The following PDE4D variants were observed in gnomAD, a reference collection of about 807,000 sequenced individuals.
PDE4D encodes phosphodiesterase 4D, also known as 3',5'-cyclic-AMP phosphodiesterase 4D.
Under a neutral mutation model 87.4 loss-of-function variants are expected in PDE4D, and 24 were observed. That is an observed-to-expected ratio of 0.27 (90% CI 0.20 to 0.39). PDE4D has a LOEUF of 0.39. Ranked by LOEUF, PDE4D falls within the 10% of genes least tolerant of loss-of-function variation. The pLI, the probability that PDE4D is intolerant of heterozygous loss-of-function variation, is 1.00. For synonymous variants in PDE4D, 384 were observed against 383.2 expected, an observed-to-expected ratio of 1.00 and a Z score of -0.02; for missense variants, 714 against 1,041.0, an observed-to-expected ratio of 0.69 and a Z score of 4.32.
At chr5:59,855,258 C>T (rs1470288167) in intron 1 of PDE4D, among the ~76,000 whole-genome samples, 2 of 152,162 alleles carry the variant, frequency 1.3e-5, no homozygotes, top group South Asian at 2.1e-4. Flanking sequence ...CACTATCACG[C>T]TTCCTCTAGC....
At chr5:59,266,401 T>C (rs184465543) in intron 1 of PDE4D, among the ~76,000 whole-genome samples, 29 of 151,942 alleles carry the variant, frequency 1.9e-4, no homozygotes, top group Admixed American at 1.6e-3. Flanking sequence ...CAGCTCCACA[T>C]TGGGGTTAGG....
intron 1 of PDE4D, among the ~76,000 whole-genome samples, chr5:59,865,688 A>G (rs1746911729): frequency 6.6e-6 from 1 of 152,226 alleles, no homozygotes; most frequent in African/African-American, 2.4e-5. Context: ...TCCTTTTTAT[A>G]TCCCATTTCA....
intron 1 of PDE4D, among the ~76,000 whole-genome samples, chr5:59,378,679 A>G (rs568149576): frequency 1.3e-5 from 2 of 152,302 alleles, no homozygotes; most frequent in East Asian, 3.9e-4. Context: ...AATTCATGCT[A>G]CTCAAAACAA....
chr5:59,853,553 T>C (rs903586909), intron 1 of PDE4D, among the ~76,000 whole-genome samples: 10 of 152,092 alleles, frequency 6.6e-5, no homozygotes, highest in African/African-American at 1.2e-4. Context: ...TATATTTTCG[T>C]CTAATTTAAC....
intron 3 of PDE4D, among the ~76,000 whole-genome samples, chr5:59,978,026 C>T (rs1030958641): frequency 5.3e-5 from 8 of 152,152 alleles, no homozygotes; most frequent in African/African-American, 1.9e-4. Context: ...AGATTCTTTT[C>T]AAAATATGAC....
chr5:60,170,317 G>A (rs1486913024), intron 2 of PDE4D, among the ~76,000 whole-genome samples: 8 of 151,900 alleles, frequency 5.3e-5, no homozygotes, highest in Non-Finnish European at 1.2e-4. Context: ...TAAAGTAATG[G>A]CTAGCAACTG....
At chr5:59,267,740 CT>C (rs946458195) in intron 1 of PDE4D, among the ~76,000 whole-genome samples, 33 of 152,192 alleles carry the variant, frequency 2.2e-4, no homozygotes, top group African/African-American at 6.5e-4. Flanking sequence ...CTTCCTAACT[CT>C]GTGGGTTTAA....
intron 1 of PDE4D, among the ~76,000 whole-genome samples, chr5:60,309,500 T>C (rs1754809796): frequency 1.3e-5 from 2 of 152,202 alleles, no homozygotes; most frequent in African/African-American, 4.8e-5. Flanking sequence ...GTAGACTAGA[T>C]AGAGAGATGG....
At chr5:60,330,069 A>G (rs1757182706) in intron 1 of PDE4D, among the ~76,000 whole-genome samples, 1 of 152,168 alleles carries the variant, frequency 6.6e-6, no homozygotes, top group Admixed American at 6.5e-5. Context: ...GAGGGTACAC[A>G]GTGACTACAC....
At chr5:59,859,333 G>C (rs1745918250) in intron 1 of PDE4D, among the ~76,000 whole-genome samples, 1 of 152,144 alleles carries the variant, frequency 6.6e-6, no homozygotes, top group African/African-American at 2.4e-5. Flanking sequence ...AAAATAGGCA[G>C]TGTAGGTGTA....
intron 2 of PDE4D, among the ~76,000 whole-genome samples, chr5:59,194,021 C>G (rs1744910156): frequency 6.6e-6 from 1 of 152,202 alleles, no homozygotes; most frequent in South Asian, 2.1e-4. Context: ...TGACATGGGA[C>G]TGCATCATAC....
intron 1 of PDE4D, among the ~76,000 whole-genome samples, chr5:59,251,784 C>T (rs532761862): frequency 1.3e-5 from 2 of 152,200 alleles, no homozygotes; most frequent in South Asian, 2.1e-4. Context: ...CCTAGATACC[C>T]ATCAGTCACA....
At chr5:59,988,393 C>G (rs908561934) in intron 3 of PDE4D, 11 of 690,030 alleles carry the variant, frequency 1.6e-5, no homozygotes, top group East Asian at 2.8e-5. Flanking sequence ...TTCTCCCACT[C>G]AAATCAAGCA....
chr5:59,390,365 T>C (rs1305768725), intron 1 of PDE4D, among the ~76,000 whole-genome samples: 1 of 152,136 alleles, frequency 6.6e-6, no homozygotes. Flanking sequence ...TTCACTACTG[T>C]TTGATTTTCA....
intron 3 of PDE4D, among the ~76,000 whole-genome samples, chr5:59,931,571 T>TC (rs1014893179): frequency 6.6e-6 from 1 of 152,008 alleles, no homozygotes; most frequent in African/African-American, 2.4e-5. Flanking sequence ...CTCCTTCCAG[T>TC]CCCAATCCCA....
intron 1 of PDE4D, among the ~76,000 whole-genome samples, chr5:59,781,988 CAG>C (rs1561653564): frequency 1.3e-5 from 2 of 151,896 alleles, no homozygotes; most frequent in African/African-American, 4.8e-5. Flanking sequence ...ACCTCACAAA[CAG>C]AAATAACAGA....
intron 5 of PDE4D, among the ~76,000 whole-genome samples, chr5:59,168,327 T>C (rs961183671): frequency 4.6e-5 from 7 of 152,206 alleles, no homozygotes; most frequent in African/African-American, 1.7e-4. Context: ...GCAAGGTGAG[T>C]GCTAACGCTG....
At chr5:59,189,254 T>TTTTTTTTTTG in intron 3 of PDE4D, among the ~76,000 whole-genome samples, 1 of 57,780 alleles carries the variant, frequency 1.7e-5, no homozygotes, top group Non-Finnish European at 3.3e-5. Flanking sequence ...GTTTTTTTTG[T>TTTTTTTTTTG]TTTTTTTTTT....
intron 2 of PDE4D, among the ~76,000 whole-genome samples, chr5:59,196,684 T>A (rs935361270): frequency 2.0e-5 from 3 of 152,118 alleles, no homozygotes; most frequent in African/African-American, 7.2e-5. Context: ...AGCCAAACAT[T>A]CTTGGGAGTG....
Sources: allele counts gnomAD v4.1 joint callset (sites outside exome capture counted in the v4.1 genomes callset), GRCh38; gene constraint gnomAD v4.1.1; transcripts MANE v1.5; gene names NCBI Gene and HGNC (gene_info 2026-07-23, HGNC 2026-07-21).